The following TNNI3K variants were observed in gnomAD, a reference collection of about 807,000 sequenced individuals.
The protein encoded by TNNI3K is TNNI3 interacting kinase.
A neutral mutation model predicts 114.5 loss-of-function variants in TNNI3K; 140 were observed. The ratio of observed to expected loss-of-function variants is 1.22; its 90% CI spans 1.07 to 1.41. TNNI3K has a LOEUF of 1.41. TNNI3K is among the 40% of genes most tolerant of loss of function. The pLI, the probability that TNNI3K is intolerant of heterozygous loss-of-function variation, is 0.00. For missense variants in TNNI3K, 1,125 were observed against 1,007.6 expected (o/e 1.12, Z -1.58); for synonymous variants, 347 against 347.5 (o/e 1.00, Z 0.02).
chr1:74,369,855 A>T (rs1171553026), intron 16 of TNNI3K: 2 of 344,938 alleles, frequency 5.8e-6, no homozygotes, highest in East Asian at 9.7e-5. Context: ...TAATTAGGCT[A>T]AATTTGAAAT....
chr1:74,415,841 A>G (rs996622940), intron 17 of TNNI3K, among the ~76,000 whole-genome samples: 2 of 151,860 alleles, frequency 1.3e-5, no homozygotes, highest in Admixed American at 6.6e-5. Context: ...TACTTTCTCT[A>G]CATAATATGA....
chr1:74,450,514 G>A (rs1367388489), intron 20 of TNNI3K, among the ~76,000 whole-genome samples: 1 of 151,980 alleles, frequency 6.6e-6, no homozygotes, highest in East Asian at 1.9e-4. Flanking sequence ...TCTGAAAAAG[G>A]TCTAATACCC....
At chr1:74,416,469 C>T in intron 17 of TNNI3K, 1 of 971,404 alleles carries the variant, frequency 1.0e-6, no homozygotes, top group African/African-American at 1.8e-5. Flanking sequence ...GGAGTAGATT[C>T]TCCCAAAAGG....
chr1:74,326,212 T>G (rs1570468794), intron 5 of TNNI3K, among the ~76,000 whole-genome samples: 1 of 152,336 alleles, frequency 6.6e-6, no homozygotes, highest in African/African-American at 2.4e-5. Flanking sequence ...CTGTATTTGG[T>G]TTGGCAATTT....
At chr1:74,493,628 C>T (rs1049897018) in intron 23 of TNNI3K, among the ~76,000 whole-genome samples, 20 of 152,162 alleles carry the variant, frequency 1.3e-4, no homozygotes, top group African/African-American at 4.8e-4. Flanking sequence ...ATTTCTTGCT[C>T]ACTTGTTTGT....
chr1:74,466,576 GA>G (rs1667691374), intron 21 of TNNI3K, among the ~76,000 whole-genome samples: 1 of 152,156 alleles, frequency 6.6e-6, no homozygotes, highest in Admixed American at 6.5e-5. Context: ...ATGAAGAGGG[GA>G]AGATGAAGAA....
chr1:74,266,444 A>G (rs1260183993), intron 4 of TNNI3K, among the ~76,000 whole-genome samples: 1 of 151,970 alleles, frequency 6.6e-6, no homozygotes, highest in Non-Finnish European at 1.5e-5. Flanking sequence ...TAGAAAAGAA[A>G]CACTCTGCTC....
At chr1:74,287,342 A>G (rs1211986322) in intron 5 of TNNI3K, among the ~76,000 whole-genome samples, 1 of 152,154 alleles carries the variant, frequency 6.6e-6, no homozygotes, top group Admixed American at 6.5e-5. Flanking sequence ...TTGGAAAGGG[A>G]AATGAATATC....
intron 5 of TNNI3K, among the ~76,000 whole-genome samples, chr1:74,330,642 T>A (rs1322050642): frequency 6.6e-6 from 1 of 152,188 alleles, no homozygotes; most frequent in Non-Finnish European, 1.5e-5. Context: ...TGTTTTTCTC[T>A]TATTTATCTG....
intron 23 of TNNI3K, among the ~76,000 whole-genome samples, chr1:74,534,677 T>A (rs993637228): frequency 6.6e-6 from 1 of 152,204 alleles, no homozygotes; most frequent in East Asian, 1.9e-4. Context: ...TACATAGAGT[T>A]TTAGGAGTAT....
chr1:74,253,128 C>T (rs1208969850), intron 4 of TNNI3K, among the ~76,000 whole-genome samples: 1 of 152,206 alleles, frequency 6.6e-6, no homozygotes, highest in Non-Finnish European at 1.5e-5. Flanking sequence ...GGTGCATCCA[C>T]AAACCCTGAG....
chr1:74,402,468 G>A (rs1240041086), intron 17 of TNNI3K, among the ~76,000 whole-genome samples: 1 of 152,148 alleles, frequency 6.6e-6, no homozygotes, highest in East Asian at 1.9e-4. Context: ...CGGAAGTCTT[G>A]AACCATGGCA....
intron 9 of TNNI3K, among the ~76,000 whole-genome samples, chr1:74,345,169 T>C (rs1350571268): frequency 6.6e-6 from 1 of 152,130 alleles, no homozygotes; most frequent in African/African-American, 2.4e-5. Flanking sequence ...ATATTAAATG[T>C]GTACTGTTAT....
intron 7 of TNNI3K, among the ~76,000 whole-genome samples, chr1:74,337,106 A>G (rs1386226155): frequency 1.3e-5 from 2 of 151,250 alleles, no homozygotes; most frequent in East Asian, 1.9e-4. Flanking sequence ...GCCAGTGATG[A>G]TGAGCATTTT....
intron 24 of TNNI3K, among the ~76,000 whole-genome samples, chr1:74,540,807 A>T (rs887407851): frequency 2.0e-5 from 3 of 152,154 alleles, no homozygotes; most frequent in African/African-American, 7.2e-5. Context: ...ATGCAAATCC[A>T]GCCATTCCTT....
chr1:74,426,338 G>C (rs1270202930), intron 17 of TNNI3K, among the ~76,000 whole-genome samples: 1 of 152,074 alleles, frequency 6.6e-6, no homozygotes, highest in Admixed American at 6.5e-5. Context: ...GTCAAGCTCT[G>C]CAGGAGCAAA....
intron 20 of TNNI3K, among the ~76,000 whole-genome samples, chr1:74,448,285 A>C (rs958157968): frequency 4.9e-5 from 7 of 141,558 alleles, no homozygotes; most frequent in Admixed American, 6.9e-5. Context: ...AAAAAAAAAG[A>C]ATGCTTGTGA....
At chr1:74,251,871 ATTC>A (rs1557450532) in intron 4 of TNNI3K, among the ~76,000 whole-genome samples, 1 of 152,196 alleles carries the variant, frequency 6.6e-6, no homozygotes, top group African/African-American at 2.4e-5. Flanking sequence ...TGCCTAGTCA[ATTC>A]TTCTAATTCC....
chr1:74,472,308 A>C (rs1667976174), intron 21 of TNNI3K: 1 of 617,318 alleles, frequency 1.6e-6, no homozygotes, highest in Non-Finnish European at 2.9e-6. Context: ...CTCCTCTGAT[A>C]ATTGCAGTTC....
Sources: gnomAD v4.1 joint callset for allele counts (sites outside exome capture counted in the v4.1 genomes callset) on GRCh38, gnomAD v4.1.1 for gene constraint, MANE v1.5 for transcripts, NCBI Gene and HGNC (gene_info 2026-07-23, HGNC 2026-07-21) for gene names.